Variants in OSBP2 observed in about 807,000 individuals in gnomAD.
OSBP2 encodes oxysterol-binding protein 2.
Under a neutral mutation model 96.0 loss-of-function variants are expected in OSBP2, and 66 were observed. The ratio of observed to expected loss-of-function variants is 0.69; its 90% confidence interval spans 0.56 to 0.84. OSBP2 has a LOEUF of 0.84. Ranked by LOEUF, OSBP2 falls within the 40% of genes least tolerant of loss-of-function variation. The pLI is 0.00. For synonymous variants in OSBP2, 525 were observed against 520.9 expected (o/e 1.01, Z -0.11); for missense variants, 1,038 against 1,222.7 (o/e 0.85, Z 2.25).
At chr22:30,894,423 C>G (rs2040020472) in intron 12 of OSBP2, 2 of 165,974 alleles carry the variant, frequency 1.2e-5, no homozygotes, top group Admixed American at 5.7e-5. Flanking sequence ...GAACACAGGT[C>G]AGAAGAAGTG....
upstream of OSBP2, chr22:30,694,342 C>G: frequency 1.3e-6 from 2 of 1,537,706 alleles, no homozygotes; most frequent in Non-Finnish European, 1.7e-6. Context: ...GACCCACAGA[C>G]AGGTAATGGC....
intron 7 of OSBP2, among the ~76,000 whole-genome samples, chr22:30,889,980 G>C (rs2269896): frequency 0.13 from 19,926 of 152,076 alleles, 1,437 homozygotes; most frequent in South Asian, 0.23. Flanking sequence ...TGTGTGTGGA[G>C]GGGTGGGCCC....
chr22:30,889,047 C>A, intron 5 of OSBP2, 130 bp from the exon 6 acceptor site: 2 of 734,414 alleles, frequency 2.7e-6, no homozygotes, highest in Non-Finnish European at 4.5e-6. Flanking sequence ...CCTGTCTACA[C>A]ACAGAACACA....
intron 3 of OSBP2, among the ~76,000 whole-genome samples, chr22:30,876,113 G>A (rs529324334): frequency 1.3e-5 from 2 of 152,386 alleles, no homozygotes; most frequent in Admixed American, 6.5e-5. Flanking sequence ...GCCTTGGCTG[G>A]GCCTACAGAG....
At chr22:30,763,655 C>T (rs982837581) in intron 2 of OSBP2, among the ~76,000 whole-genome samples, 1 of 151,202 alleles carries the variant, frequency 6.6e-6, no homozygotes, top group Admixed American at 6.6e-5. Context: ...AAAAAAAACC[C>T]ACAGGTCACC....
intron 2 of OSBP2, among the ~76,000 whole-genome samples, chr22:30,839,177 C>T (rs1169166102): frequency 3.6e-5 from 5 of 138,554 alleles, no homozygotes; most frequent in African/African-American, 1.1e-4. Flanking sequence ...AGGACATGAA[C>T]TCATCATTTT....
At chr22:30,740,558 C>T (rs1440913349) in intron 1 of OSBP2, among the ~76,000 whole-genome samples, 2 of 152,192 alleles carry the variant, frequency 1.3e-5, no homozygotes, top group Admixed American at 6.5e-5. Flanking sequence ...AAAGTTAATT[C>T]AGCCTATGCC....
In OSBP2 at chr22:30,870,694, C is replaced by T. The variant is rs750216689; in HGVS notation, c.1107+12C>T. 29 of 1,606,738 alleles carry T rather than the reference C, an allele frequency of 1.8e-5. No individual in the cohort carries two copies. Among genetic ancestry groups the T allele is most frequent in the South Asian group, 2.2e-5 (2 of 90,976 alleles). Reference sequence around the variant, plus strand: ...ATGCTATGATCAACGTGAGTACCCACCCCCACCGCCCTGGCACGGGGCTCC... The same window carrying T: ...ATGCTATGATCAACGTGAGTACCCATCCCCACCGCCCTGGCACGGGGCTCC... On this transcript the variant is annotated intron_variant, in intron 3 of 13. Coordinates refer to ENST00000332585, the MANE Select transcript of OSBP2 (RefSeq NM_030758.4). The surrounding 1 kb of genome is among the most constrained non-coding windows in gnomAD (Gnocchi z 4.1).
At chr22:30,898,851 T>C (rs749142597) in intron 12 of OSBP2, among the ~76,000 whole-genome samples, 34 of 137,886 alleles carry the variant, frequency 2.5e-4, no homozygotes, top group Admixed American at 3.6e-4. Flanking sequence ...TGGCAAGATA[T>C]CATCTTTATA....
At chr22:30,876,813 C>T (rs369022200) in intron 3 of OSBP2, among the ~76,000 whole-genome samples, 3 of 152,164 alleles carry the variant, frequency 2.0e-5, no homozygotes, top group Admixed American at 6.5e-5. Flanking sequence ...GGCTGAGGGG[C>T]TCAGGATCCC....
intron 3 of OSBP2, among the ~76,000 whole-genome samples, chr22:30,884,557 G>A (rs2039769721): frequency 6.6e-6 from 1 of 152,222 alleles, no homozygotes; most frequent in South Asian, 2.1e-4. Flanking sequence ...TGCCCACCCT[G>A]TGTGGTGCTT....
rs557032950 is a variant in OSBP2 at position 30,858,389 on chromosome 22, A to G, written c.854-12040A>G. Among the ~76,000 whole-genome samples, 59 of 147,432 alleles carry G rather than the reference A, an allele frequency of 4.0e-4. 1 individual carries two copies. The South Asian group carries it at 9.6e-3, about 24-fold the overall frequency. ...TCTCGATCTCCTGACCTCATGATCC[A>G]CCCACCTCGGCCTCCCAAAGTGCTG... is the stretch of plus-strand genomic sequence containing the variant. On this transcript the variant is annotated intron_variant, in intron 2 of 13. Transcript: ENST00000332585.
At chr22:30,799,025 A>G (rs1602279412) in intron 2 of OSBP2, among the ~76,000 whole-genome samples, 1 of 151,870 alleles carries the variant, frequency 6.6e-6, no homozygotes, top group East Asian at 1.9e-4. Flanking sequence ...AAAAAAAAAA[A>G]AAAAGAAATT....
Position 30,695,284 on chromosome 22 carries a change from G to C in OSBP2, c.375G>C (p.Glu125Asp), listed in dbSNP as rs371148157. 6.2e-7 allele frequency: 1 copy of C among 1,613,306 alleles called. No individual in the cohort carries two copies. The highest frequency in any genetic ancestry group is 2.2e-5 in the East Asian group (1 of 44,880). Residue 125 changes from glutamate to aspartate, a missense_variant, in exon 1 of 14, where the codon GAG becomes GAC. Physicochemically the swap from Glu to Asp is conservative, Grantham distance 45. Coordinates refer to ENST00000332585, the MANE Select transcript of OSBP2 (RefSeq NM_030758.4). ...GGCCCTTCACTAAGGCCGCATCGGA[G>C]CCGCTCTCCCGGGCGGTGGGGAGCG... Reference protein sequence around the residue: ...GAGPFTKAASEPLSRAVGSAT... With the variant: ...GAGPFTKAASDPLSRAVGSAT...
chr22:30,727,739 A>AT (rs2089674408), intron 1 of OSBP2, among the ~76,000 whole-genome samples: 1 of 152,170 alleles, frequency 6.6e-6, no homozygotes, highest in Non-Finnish European at 1.5e-5. Flanking sequence ...AAGTAGACAA[A>AT]TAAGTGTTTA....
chr22:30,739,141 G>A (rs546550406), intron 1 of OSBP2, among the ~76,000 whole-genome samples: 3 of 152,244 alleles, frequency 2.0e-5, no homozygotes, highest in East Asian at 1.9e-4. Context: ...TTGGATCTCC[G>A]TTTTCCGACA....
chr22:30,732,404 A>G (rs1248033222), intron 1 of OSBP2, among the ~76,000 whole-genome samples: 2 of 152,116 alleles, frequency 1.3e-5, no homozygotes, highest in Non-Finnish European at 2.9e-5. Flanking sequence ...CCACTCACCT[A>G]ATTCCTCATG....
chr22:30,750,202 C>T (rs2090056862), intron 2 of OSBP2, among the ~76,000 whole-genome samples: 1 of 152,174 alleles, frequency 6.6e-6, no homozygotes, highest in Admixed American at 6.6e-5. Context: ...GTCACTGTGT[C>T]TCATGGTGCC....
At chr22:30,802,991 A>C (rs2090874852) in intron 2 of OSBP2, 1 of 156,330 alleles carries the variant, frequency 6.4e-6, no homozygotes, top group South Asian at 1.6e-4. Context: ...GCCGGGCAGC[A>C]CACACCCAAT....
Sources: allele counts gnomAD v4.1 joint callset (sites outside exome capture counted in the v4.1 genomes callset), GRCh38; gene constraint gnomAD v4.1.1; non-coding constraint Gnocchi (gnomAD v3.1); transcripts MANE v1.5; gene names NCBI Gene and HGNC (gene_info 2026-07-23, HGNC 2026-07-21).